The following GALNT18 variants were observed in gnomAD, a reference collection of about 807,000 sequenced individuals.
GALNT18 encodes polypeptide N-acetylgalactosaminyltransferase 18, also known as GalNAc-transferase 18.
A neutral mutation model predicts 69.5 loss-of-function variants in GALNT18; 44 were observed. The ratio of observed to expected loss-of-function variants is 0.63; its 90% confidence interval spans 0.50 to 0.81. The LOEUF is 0.81. GALNT18 is among the 40% of genes least tolerant of loss of function. The probability of loss-of-function intolerance (pLI) is 0.00; values close to 1 mark genes in which losing one functional copy is unlikely to be tolerated. For synonymous variants in GALNT18, 364 were observed against 318.2 expected (o/e 1.14, Z -1.53); for missense variants, 715 against 810.0 (o/e 0.88, Z 1.42).
rs1271286943 is a variant in GALNT18, at chr11:11,598,509, T to C, written c.235+22850A>G. ...GTGTAACCTTCCTCTGCTTCTCTCT[T>C]AGGAGGTTACTGATTATCAAATTTA... On this transcript the variant is annotated intron_variant, in intron 1 of 10. Transcript: ENST00000227756. The surrounding 1 kb of genome is among the most constrained non-coding windows in gnomAD (Gnocchi z 4.8). Among the ~76,000 whole-genome samples, 3 of 152,156 alleles carry C rather than the reference T, an allele frequency of 2.0e-5. No homozygotes were observed. Among genetic ancestry groups the C allele is most frequent in the African/African-American group, 7.2e-5 (3 of 41,452 alleles).
chr11:11,589,836 G>C (rs1042099876), intron 1 of GALNT18, among the ~76,000 whole-genome samples: 25 of 152,284 alleles, frequency 1.6e-4, no homozygotes, highest in Non-Finnish European at 3.5e-4. Context: ...GAAGGGAAAG[G>C]GAGAGCAGTC....
rs1564979408 is a variant in GALNT18, at chr11:11,497,365, CACACA to C, written c.236-48434_236-48430del. Among the ~76,000 whole-genome samples the C allele has an allele frequency of 1.8e-3, 275 of 150,336 alleles. No individual in the cohort carries two copies. Among genetic ancestry groups the C allele is most frequent in the African/African-American group, 6.4e-3 (260 of 40,868 alleles). On this transcript the variant is annotated intron_variant, in intron 1 of 10. Transcript: ENST00000227756. The surrounding 1 kb of genome is among the most constrained non-coding windows in gnomAD (Gnocchi z 4.2). ...ACACACACACACACACACACACACA[CACACA>C]CCCCTTAGAATGGGGCTCCTTAAGA...
At chr11:11,581,840 G>A (rs1859096007) in intron 1 of GALNT18, among the ~76,000 whole-genome samples, 5 of 152,194 alleles carry the variant, frequency 3.3e-5, no homozygotes, top group Admixed American at 2.6e-4. Flanking sequence ...CATGCTGGGA[G>A]CCTCTTTTCT....
At chr11:11,477,708 A>G (rs1856433927) in intron 1 of GALNT18, among the ~76,000 whole-genome samples, 1 of 152,226 alleles carries the variant, frequency 6.6e-6, no homozygotes, top group African/African-American at 2.4e-5. Context: ...ATAAATTTAT[A>G]TACGACTTAT....
At chr11:11,360,845 AAG>A (rs1239190036) in intron 6 of GALNT18, among the ~76,000 whole-genome samples, 4 of 152,212 alleles carry the variant, frequency 2.6e-5, no homozygotes, top group African/African-American at 9.6e-5. Context: ...GGAGAAAAAA[AAG>A]TAATTGTTTG....
intron 6 of GALNT18, among the ~76,000 whole-genome samples, chr11:11,355,184 G>C (rs564413001): frequency 3.9e-4 from 60 of 152,254 alleles, no homozygotes; most frequent in African/African-American, 1.3e-3. Flanking sequence ...ATGCAGTTCA[G>C]CAATTATTTA....
intron 1 of GALNT18, among the ~76,000 whole-genome samples, chr11:11,507,747 A>G (rs1376278918): frequency 6.6e-6 from 1 of 152,218 alleles, no homozygotes; most frequent in Non-Finnish European, 1.5e-5. Flanking sequence ...GGCATTGCCA[A>G]AGGAGATTAA....
chr11:11,409,572 A>T (rs1469181162), intron 3 of GALNT18, among the ~76,000 whole-genome samples: 1 of 151,946 alleles, frequency 6.6e-6, no homozygotes, highest in Non-Finnish European at 1.5e-5. Flanking sequence ...CTGTACCCAG[A>T]TAACTCCCCG....
chr11:11,298,862 C>G (rs4243926), intron 9 of GALNT18, among the ~76,000 whole-genome samples: 19 of 152,148 alleles, frequency 1.2e-4, no homozygotes, highest in Non-Finnish European at 2.5e-4. Flanking sequence ...AGGAGGAGGA[C>G]GTTGCAGATG....
In GALNT18 at chr11:11,584,425, T is replaced by C. The variant is rs962805710; in HGVS notation, c.235+36934A>G. ...TTACTGTTGGAAAGCTGATGGGAGATGCCGTAAGAGAAATGGGTTCCTATT... is the reference window on the plus strand; with the variant it reads ...TTACTGTTGGAAAGCTGATGGGAGACGCCGTAAGAGAAATGGGTTCCTATT... On this transcript the variant is annotated intron_variant, in intron 1 of 10. Transcript: ENST00000227756. This position sits in a 1 kb window ranked among gnomAD's most constrained non-coding sequence, Gnocchi z 4.1. Among the ~76,000 whole-genome samples, 3 of 152,204 alleles carry C rather than the reference T, an allele frequency of 2.0e-5. No homozygotes were observed. The highest frequency in any genetic ancestry group is 2.9e-5 in the Non-Finnish European group (2 of 68,048).
Position 11,546,863 on chromosome 11 carries a change from G to A in GALNT18, c.235+74496C>T, listed in dbSNP as rs536577089. Among the ~76,000 whole-genome samples the A allele has an allele frequency of 2.1e-4, 32 of 152,168 alleles. No individual in the cohort carries two copies. Among genetic ancestry groups the A allele is most frequent in the African/African-American group, 7.5e-4 (31 of 41,518 alleles). On this transcript the variant is annotated intron_variant, in intron 1 of 10. Transcript: ENST00000227756. The surrounding 1 kb of genome is among the most constrained non-coding windows in gnomAD (Gnocchi z 5.8). ...GGGTTGGGTGTGTGGGTGGGCAGAT[G>A]AGTAAGTGGGTGGGAGATGTGTATG...
At chr11:11,615,347 A>G (rs959789788) in intron 1 of GALNT18, among the ~76,000 whole-genome samples, 3 of 152,254 alleles carry the variant, frequency 2.0e-5, no homozygotes, top group African/African-American at 4.8e-5. Flanking sequence ...CCTGGTATAC[A>G]TTAATATGCA....
chr11:11,457,275 T>C (rs374131067), intron 1 of GALNT18, among the ~76,000 whole-genome samples: 1 of 152,344 alleles, frequency 6.6e-6, no homozygotes, highest in African/African-American at 2.4e-5. Flanking sequence ...CAGCCCTGTC[T>C]AGGTCTGACT....
chr11:11,561,987 G>C (rs542314547), intron 1 of GALNT18, among the ~76,000 whole-genome samples: 1 of 152,240 alleles, frequency 6.6e-6, no homozygotes, highest in African/African-American at 2.4e-5. Flanking sequence ...GTCACACAGC[G>C]AGTGAATGCA....
rs910008498 is a variant in GALNT18, at chr11:11,382,622, T to C, written c.596-3358A>G. Among the ~76,000 whole-genome samples, 1 of 152,172 alleles carries C rather than the reference T, an allele frequency of 6.6e-6. No homozygotes were observed. Among genetic ancestry groups the C allele is most frequent in the Non-Finnish European group, 1.5e-5 (1 of 68,032 alleles). On this transcript the variant is annotated intron_variant, in intron 3 of 10. Coordinates refer to ENST00000227756, the MANE Select transcript of GALNT18 (RefSeq NM_198516.3). The surrounding 1 kb of genome is among the most constrained non-coding windows in gnomAD (Gnocchi z 4.3). The stretch of plus-strand genomic sequence containing the variant: ...CTTCTTGCTAAGGCTGCCAGGAAGC[T>C]CAAAGACAAATATAATGACTAATCA...
rs1330539037 is a variant in GALNT18 at position 11,318,720 on chromosome 11, C to A, written c.1512+8366G>T. Among the ~76,000 whole-genome samples the A allele has an allele frequency of 6.6e-6, 1 of 152,122 alleles. No individual in the cohort carries two copies. Among genetic ancestry groups the A allele is most frequent in the Admixed American group, 6.5e-5 (1 of 15,276 alleles). ...GCCTGGAGTGTCCCTCGACCTTCAA[C>A]AAACTTTGTGAAAAGAGTAAGAAAA... On this transcript the variant is annotated intron_variant, in intron 9 of 10. Coordinates refer to ENST00000227756, the MANE Select transcript of GALNT18 (RefSeq NM_198516.3). The surrounding 1 kb of genome is among the most constrained non-coding windows in gnomAD (Gnocchi z 5.1).
Position 11,389,285 on chromosome 11 carries a change from C to T in GALNT18, c.596-10021G>A, listed in dbSNP as rs1037109409. On this transcript the variant is annotated intron_variant, in intron 3 of 10. Transcript: ENST00000227756. This position sits in a 1 kb window ranked among gnomAD's most constrained non-coding sequence, Gnocchi z 4.3. ...TCCGAAGGAGTCAGCTTTGTAGGCT[C>T]AACAGAAGCTCTTCCCCTGGGACCA... 2.0e-5 allele frequency among the ~76,000 whole-genome samples: 3 copies of T among 152,188 alleles called. No homozygotes were observed. The highest frequency in any genetic ancestry group is 4.4e-5 in the Non-Finnish European group (3 of 68,034).
Position 11,596,197 on chromosome 11 carries a change from A to G in GALNT18, c.235+25162T>C, listed in dbSNP as rs977991523. 6.6e-6 allele frequency among the ~76,000 whole-genome samples: 1 copy of G among 152,170 alleles called. No individual in the cohort carries two copies. Among genetic ancestry groups the G allele is most frequent in the Non-Finnish European group, 1.5e-5 (1 of 68,022 alleles). ...CTTATCAAAATAAAATTGACCATAA[A>G]TTTAAGCACTTAATTCTGGACTGTC... On this transcript the variant is annotated intron_variant, in intron 1 of 10. Coordinates refer to ENST00000227756, the MANE Select transcript of GALNT18 (RefSeq NM_198516.3). This position sits in a 1 kb window ranked among gnomAD's most constrained non-coding sequence, Gnocchi z 4.2.
At chr11:11,519,697 C>A (rs1305856432) in intron 1 of GALNT18, among the ~76,000 whole-genome samples, 1 of 152,222 alleles carries the variant, frequency 6.6e-6, no homozygotes, top group Non-Finnish European at 1.5e-5. Context: ...ACCTTCCAGG[C>A]ACTCTCCCAT....
Sources: gnomAD v4.1 joint callset for allele counts (sites outside exome capture counted in the v4.1 genomes callset) on GRCh38, gnomAD v4.1.1 for gene constraint, Gnocchi (gnomAD v3.1) non-coding constraint, MANE v1.5 for transcripts, NCBI Gene and HGNC (gene_info 2026-07-23, HGNC 2026-07-21) for gene names.